The following GPC5 variants were observed in gnomAD, a reference collection of about 807,000 sequenced individuals.
The protein encoded by GPC5 is glypican-5.
A neutral mutation model predicts 53.9 loss-of-function variants in GPC5; 47 were observed. That is an observed-to-expected ratio of 0.87 (90% CI 0.69 to 1.11). GPC5 has a LOEUF of 1.11. Ranked by LOEUF, GPC5 falls within the 50% of genes most tolerant of loss-of-function variation. The pLI, the probability that GPC5 is intolerant of heterozygous loss-of-function variation, is 0.00. For missense variants in GPC5, 748 were observed against 713.1 expected (o/e 1.05, Z -0.56); for synonymous variants, 286 against 263.3 (o/e 1.09, Z -0.84).
chr13:91,452,110 G>A (rs149357132), intron 2 of GPC5, among the ~76,000 whole-genome samples: 6 of 152,038 alleles, frequency 3.9e-5, no homozygotes, highest in African/African-American at 1.2e-4. Flanking sequence ...ACAGCCTCCC[G>A]AGTAGCTAGG....
At chr13:91,807,250 A>G (rs1428653392) in intron 5 of GPC5, among the ~76,000 whole-genome samples, 1 of 152,194 alleles carries the variant, frequency 6.6e-6, no homozygotes, top group Non-Finnish European at 1.5e-5. Context: ...GCAGGCAGAA[A>G]TATGTAAATA....
At chr13:91,486,339 C>T (rs1373610628) in intron 2 of GPC5, 2 of 152,174 alleles carry the variant, frequency 1.3e-5, no homozygotes, top group African/African-American at 4.8e-5. Context: ...CTCTGTAAGC[C>T]AGATTGCTTC....
chr13:92,561,704 C>A (rs1189550318), intron 7 of GPC5, among the ~76,000 whole-genome samples: 1 of 151,964 alleles, frequency 6.6e-6, no homozygotes, highest in African/African-American at 2.4e-5. Flanking sequence ...GTAAAGTTGT[C>A]TTCATATTAG....
At chr13:92,716,469 T>A (rs1185937833) in intron 7 of GPC5, among the ~76,000 whole-genome samples, 1 of 151,918 alleles carries the variant, frequency 6.6e-6, no homozygotes, top group East Asian at 1.9e-4. Flanking sequence ...ACTGTTTTTA[T>A]CCCCTCTCTT....
chr13:92,354,088 C>T lies in GPC5; in HGVS notation c.1561+209099C>T, dbSNP rs113907824. 4.7e-3 allele frequency among the ~76,000 whole-genome samples: 710 copies of T among 152,266 alleles called. 6 individuals carry two copies. The highest frequency in any genetic ancestry group is 0.016 in the African/African-American group (680 of 41,540). ...ATAAGTCTTGTTACCAACATTTTAA[C>T]ACATATTTTATGTTTGACCTTGTCA... On this transcript the variant is annotated intron_variant, in intron 7 of 7. Transcript: ENST00000377067.
At chr13:92,217,708 A>AT (rs975153684) in intron 7 of GPC5, among the ~76,000 whole-genome samples, 4 of 151,276 alleles carry the variant, frequency 2.6e-5, no homozygotes, top group Admixed American at 6.6e-5. Flanking sequence ...ATCCCTGAAT[A>AT]TTTTTTTTTC....
chr13:91,405,962 G>A (rs1255979748), intron 1 of GPC5, among the ~76,000 whole-genome samples: 1 of 152,086 alleles, frequency 6.6e-6, no homozygotes, highest in Non-Finnish European at 1.5e-5. Context: ...TGTAGAGATG[G>A]GGTTTTGCCA....
At chr13:92,756,547 G>C (rs899646896) in intron 7 of GPC5, among the ~76,000 whole-genome samples, 1 of 151,844 alleles carries the variant, frequency 6.6e-6, no homozygotes, top group African/African-American at 2.4e-5. Flanking sequence ...AATTGTCCCT[G>C]TTTGCAGACG....
chr13:92,004,618 T>C (rs1339949076), intron 6 of GPC5, among the ~76,000 whole-genome samples: 1 of 151,214 alleles, frequency 6.6e-6, no homozygotes, highest in Non-Finnish European at 1.5e-5. Flanking sequence ...TTTACATTAG[T>C]ACATTTTCAT....
At chr13:91,755,923 G>A (rs1371315603) in intron 4 of GPC5, among the ~76,000 whole-genome samples, 2 of 152,012 alleles carry the variant, frequency 1.3e-5, no homozygotes, top group African/African-American at 2.4e-5. Context: ...ATAGCAGGTA[G>A]TGAGGACTTT....
chr13:91,442,688 G>C (rs879346422), intron 1 of GPC5, among the ~76,000 whole-genome samples: 4 of 152,164 alleles, frequency 2.6e-5, no homozygotes, highest in Admixed American at 2.0e-4. Flanking sequence ...GCTGGATTCA[G>C]AGACAAGATC....
At chr13:91,799,506 A>C (rs2038099880) in intron 5 of GPC5, among the ~76,000 whole-genome samples, 1 of 152,176 alleles carries the variant, frequency 6.6e-6, no homozygotes, top group African/African-American at 2.4e-5. Flanking sequence ...TTCTTTTTTA[A>C]AAAGAAAAAT....
intron 6 of GPC5, among the ~76,000 whole-genome samples, chr13:91,930,899 C>T (rs1424485240): frequency 2.0e-5 from 3 of 152,042 alleles, no homozygotes; most frequent in Non-Finnish European, 2.9e-5. Flanking sequence ...TAATAGTCTA[C>T]ATAGTGACAC....
chr13:91,623,757 C>A (rs1177282254), intron 2 of GPC5, among the ~76,000 whole-genome samples: 2 of 151,998 alleles, frequency 1.3e-5, no homozygotes, highest in Non-Finnish European at 2.9e-5. Flanking sequence ...TATAGAGGGA[C>A]CTTCTTTGGC....
chr13:91,398,692 CGGCAGT>C lies in GPC5; in HGVS notation c.-351_-346del, dbSNP rs1268669763. On this transcript the variant is annotated 5_prime_UTR_variant, in exon 1 of 8. Coordinates refer to ENST00000377067, the MANE Select transcript of GPC5 (RefSeq NM_004466.6). ...GCGGCGGCGGCAGTGGCGGCAGTGG[CGGCAGT>C]GGCGGCAGCGGCAGCAGTTGCAGCA... 8.6e-6 allele frequency: 2 copies of C among 232,580 alleles called. No individual in the cohort carries two copies. Among genetic ancestry groups the C allele is most frequent in the African/African-American group, 2.3e-5 (1 of 43,662 alleles). 14.4% of individuals were successfully genotyped at this position (232,580 alleles called of 1,614,324 possible). A position where few individuals can be genotyped will look rare whatever the true frequency, so the allele number is the denominator to read the frequency against.
intron 7 of GPC5, among the ~76,000 whole-genome samples, chr13:92,233,809 T>TC (rs1205548193): frequency 1.4e-5 from 2 of 146,008 alleles, no homozygotes; most frequent in Non-Finnish European, 3.0e-5. Flanking sequence ...CCCTCCCCAC[T>TC]CCCCCCACCC....
At chr13:91,601,256 C>G (rs2033171752) in intron 2 of GPC5, among the ~76,000 whole-genome samples, 1 of 152,216 alleles carries the variant, frequency 6.6e-6, no homozygotes, top group African/African-American at 2.4e-5. Context: ...ATATGACACT[C>G]TGATCCACTG....
At chr13:92,555,897 G>C (rs1232419288) in intron 7 of GPC5, among the ~76,000 whole-genome samples, 1 of 151,380 alleles carries the variant, frequency 6.6e-6, no homozygotes, top group Non-Finnish European at 1.5e-5. Flanking sequence ...AGAAGAAGGA[G>C]AGTATTAACT....
intron 6 of GPC5, among the ~76,000 whole-genome samples, chr13:92,113,178 G>A: frequency 6.6e-6 from 1 of 151,994 alleles, no homozygotes; most frequent in East Asian, 1.9e-4. Flanking sequence ...ATACATGAAA[G>A]AAAAGAATTT....
Sources: allele counts gnomAD v4.1 joint callset (sites outside exome capture counted in the v4.1 genomes callset), GRCh38; gene constraint gnomAD v4.1.1; transcripts MANE v1.5; gene names NCBI Gene and HGNC (gene_info 2026-07-23, HGNC 2026-07-21).